The following STARD13 variants were observed in gnomAD, a reference collection of about 807,000 sequenced individuals.
STARD13 encodes the protein stAR-related lipid transfer protein 13.
A neutral mutation model predicts 106.4 loss-of-function variants in STARD13; 62 were observed. The observed-to-expected ratio is 0.58, with a 90% CI of 0.48 to 0.72. The LOEUF is 0.72. Among genes scored for constraint, STARD13 ranks in the 30% least tolerant of loss-of-function variants. The probability of loss-of-function intolerance (pLI) is 0.00; values close to 1 mark genes in which losing one functional copy is unlikely to be tolerated. For synonymous variants in STARD13, 565 were observed against 553.0 expected (o/e 1.02, Z -0.31); for missense variants, 1,387 against 1,424.0 (o/e 0.97, Z 0.42).
chr13:33,293,034 T>C (rs1892351626), intron 1 of STARD13, among the ~76,000 whole-genome samples: 2 of 152,172 alleles, frequency 1.3e-5, no homozygotes, highest in South Asian at 4.1e-4. Context: ...TCAGCTGCAG[T>C]GTTGCATGGA....
At chr13:33,512,372 C>A in the STARD13 span, among the ~76,000 whole-genome samples, 2 of 152,102 alleles carry the variant, frequency 1.3e-5, no homozygotes, top group Non-Finnish European at 2.9e-5. Context: ...TGTTAAAATG[C>A]ATAACTAAAA....
chr13:33,238,613 C>T (rs1889312808), intron 1 of STARD13, among the ~76,000 whole-genome samples: 1 of 152,088 alleles, frequency 6.6e-6, no homozygotes, highest in South Asian at 2.1e-4. Flanking sequence ...AAGCAAGGAA[C>T]AGTAGAAAAT....
chr13:33,113,360 C>T (rs542549291), intron 8 of STARD13, among the ~76,000 whole-genome samples: 5 of 152,226 alleles, frequency 3.3e-5, no homozygotes, highest in East Asian at 1.9e-4. Context: ...CCCAAGGCTC[C>T]GTGGGACATG....
At chr13:33,167,648 T>C (rs1456764267) in intron 1 of STARD13, 26 bp from the exon 2 acceptor site, 1 of 1,607,982 alleles carries the variant, frequency 6.2e-7, no homozygotes, top group South Asian at 1.1e-5. Flanking sequence ...GAGATAAAAT[T>C]GTGAGTCCCA....
the STARD13 span, among the ~76,000 whole-genome samples, chr13:33,533,598 T>A: frequency 2.6e-5 from 4 of 152,182 alleles, no homozygotes; most frequent in Non-Finnish European, 5.9e-5. Flanking sequence ...TTGTTTCCAT[T>A]CAATAAAATT....
the STARD13 span, among the ~76,000 whole-genome samples, chr13:33,537,594 G>A: frequency 6.6e-6 from 1 of 151,930 alleles, no homozygotes; most frequent in Non-Finnish European, 1.5e-5. Flanking sequence ...ACAGACCTGT[G>A]GGCAATGTTT....
intron 1 of STARD13, among the ~76,000 whole-genome samples, chr13:33,206,931 T>G (rs560607571): frequency 1.2e-4 from 18 of 152,330 alleles, no homozygotes; most frequent in African/African-American, 4.3e-4. Context: ...TTCTCGGCAG[T>G]GTCCTCGAAC....
intron 3 of STARD13, 131 bp from the exon 4 acceptor site, chr13:33,142,504 C>A: frequency 2.6e-6 from 2 of 769,830 alleles, no homozygotes; most frequent in Non-Finnish European, 4.4e-6. Flanking sequence ...GACAGTACTG[C>A]ACCCACAGAA....
chr13:33,512,128 C>A, the STARD13 span, among the ~76,000 whole-genome samples: 1 of 152,096 alleles, frequency 6.6e-6, no homozygotes, highest in South Asian at 2.1e-4. Context: ...GGTGGCATGT[C>A]CCTTAAGACC....
chr13:33,584,017 C>T, the STARD13 span, among the ~76,000 whole-genome samples: 1 of 152,198 alleles, frequency 6.6e-6, no homozygotes, highest in Admixed American at 6.5e-5. Flanking sequence ...GTAATTCTAT[C>T]TGTAATTTTT....
At chr13:33,553,854 G>A in the STARD13 span, among the ~76,000 whole-genome samples, 1 of 151,798 alleles carries the variant, frequency 6.6e-6, no homozygotes, top group Non-Finnish European at 1.5e-5. Context: ...CTGGGATTAC[G>A]GGTGTGAGCC....
chr13:33,655,735 C>T, the STARD13 span, among the ~76,000 whole-genome samples: 1 of 152,146 alleles, frequency 6.6e-6, no homozygotes, highest in South Asian at 2.1e-4. Context: ...TTAATAAATG[C>T]ATCGATGAAT....
chr13:33,197,240 C>G lies in STARD13; in HGVS notation c.170-29618G>C, dbSNP rs368915895. ...TCAGCCAGCCCAAGACTGAGGAGGT[C>G]AATATTTTCAGCACACCTATTACCA... On this transcript the variant is annotated intron_variant, in intron 1 of 13. Coordinates refer to ENST00000336934, the MANE Select transcript of STARD13 (RefSeq NM_178006.4). Among the ~76,000 whole-genome samples, 38 of 152,250 alleles carry G rather than the reference C, an allele frequency of 2.5e-4. No individual in the cohort carries two copies. In the South Asian group the frequency reaches 7.5e-3, roughly 30 times the overall value.
upstream of STARD13, among the ~76,000 whole-genome samples, chr13:33,287,601 TC>T (rs11299072): frequency 0.23 from 35,307 of 151,978 alleles, 4,474 homozygotes; most frequent in African/African-American, 0.32. Context: ...CGGCAGAAGC[TC>T]GAATGGAGAA....
the STARD13 span, among the ~76,000 whole-genome samples, chr13:33,425,868 ATTGGGACCACCAGTT>A: frequency 1.3e-5 from 2 of 152,230 alleles, no homozygotes; most frequent in African/African-American, 4.8e-5. Context: ...CATTCATGGT[ATTGGGACCACCAGTT>A]TAAGACATCC....
the STARD13 span, among the ~76,000 whole-genome samples, chr13:33,453,326 C>T: frequency 6.6e-6 from 1 of 152,192 alleles, no homozygotes; most frequent in Non-Finnish European, 1.5e-5. Context: ...TAGAGAATAA[C>T]TGGGTCACCA....
the STARD13 span, among the ~76,000 whole-genome samples, chr13:33,645,515 A>C: frequency 1.3e-5 from 2 of 152,334 alleles, no homozygotes; most frequent in Admixed American, 1.3e-4. Flanking sequence ...GGACTCAAGG[A>C]TATACCACTT....
Position 33,129,572 on chromosome 13 carries a change from C to T in STARD13, c.1105G>A (p.Val369Met), listed in dbSNP as rs1452909702. Residue 369 changes from valine (V) to methionine (M), a missense_variant, in exon 5 of 14, where the codon GTG (valine) becomes ATG (methionine). Coordinates refer to ENST00000336934, the MANE Select transcript of STARD13 (RefSeq NM_178006.4). ...TCCGGCAGTGCTGTCCCCGCCAGCACATCTAGGTCCTCCAAGTACATGCCC... is the reference window on the plus strand; with the variant it reads ...TCCGGCAGTGCTGTCCCCGCCAGCATATCTAGGTCCTCCAAGTACATGCCC... ...RGGMYLEDLD[V>M]LAGTALPDAG... The T allele has an allele frequency of 6.2e-7, 1 of 1,614,164 alleles. No individual in the cohort carries two copies. The highest frequency in any genetic ancestry group is 8.5e-7 in the Non-Finnish European group (1 of 1,180,044).
chr13:33,259,557 C>G (rs976460323), intron 1 of STARD13, among the ~76,000 whole-genome samples: 2 of 152,102 alleles, frequency 1.3e-5, no homozygotes, highest in Non-Finnish European at 2.9e-5. Flanking sequence ...ACATAGTTGT[C>G]ATGCAAAGAG....
Sources: gnomAD v4.1 joint callset for allele counts (sites outside exome capture counted in the v4.1 genomes callset) on GRCh38, gnomAD v4.1.1 for gene constraint, MANE v1.5 for transcripts, NCBI Gene and HGNC (gene_info 2026-07-23, HGNC 2026-07-21) for gene names.